The following GJB7 variants were observed in gnomAD, a reference collection of about 807,000 sequenced individuals.
The protein encoded by GJB7 is gap junction beta-7 protein.
For synonymous variants in GJB7, 87 were observed against 95.2 expected (o/e 0.91, Z 0.50); for missense variants, 253 against 256.8 (o/e 0.99, Z 0.10).
intron 1 of GJB7, among the ~76,000 whole-genome samples, chr6:87,324,763 G>C (rs1461056267): frequency 6.6e-6 from 1 of 151,990 alleles, no homozygotes; most frequent in African/African-American, 2.4e-5. Flanking sequence ...GCTCTTTTTT[G>C]GTTCCATATG....
At chr6:87,299,450 G>T (rs1776290422) in intron 2 of GJB7, 1 of 448,050 alleles carries the variant, frequency 2.2e-6, no homozygotes, top group Non-Finnish European at 4.4e-6. Context: ...ACGTCAAAAG[G>T]TTAGAAATGT....
At position 87,284,561 on chromosome 6, in the gene GJB7, C is replaced by A; in HGVS notation, c.352G>T (p.Gly118Trp). 6.2e-7 allele frequency: 1 copy of A among 1,614,120 alleles called. No individual in the cohort carries two copies. Among genetic ancestry groups the A allele is most frequent in the Non-Finnish European group, 8.5e-7 (1 of 1,179,970 alleles). ...ATAAGATAAGCGTACCATAGGCCCC[C>A]ATCCATTGTACCTGGGCTGACATAG... Reference protein sequence around the residue: ...KLYVSPGTMDGGLWYAYLISL... With the variant: ...KLYVSPGTMDWGLWYAYLISL... The change falls in exon 3 of 3, where the codon GGG becomes TGG. Residue 118 changes from glycine to tryptophan, a missense_variant. Gly to Trp is a radical substitution (Grantham distance 184, BLOSUM62 -2). Coordinates refer to ENST00000525899, the MANE Select transcript of GJB7 (RefSeq NM_198568.3).
At chr6:87,312,564 T>G (rs1211348750) in intron 2 of GJB7, among the ~76,000 whole-genome samples, 1 of 151,830 alleles carries the variant, frequency 6.6e-6, no homozygotes, top group African/African-American at 2.4e-5. Context: ...GCTCTAAGTT[T>G]AGCACCAGTT....
intron 2 of GJB7, chr6:87,299,301 C>A: frequency 4.1e-6 from 2 of 482,978 alleles, no homozygotes; most frequent in South Asian, 3.1e-5. Flanking sequence ...AAGAAATTGT[C>A]AACATCATTT....
Position 87,283,734 on chromosome 6 carries a change from G to A in GJB7, c.*507C>T, listed in dbSNP as rs1257063300. The A allele has an allele frequency of 1.3e-5, 2 of 152,994 alleles. No individual in the cohort carries two copies. Among genetic ancestry groups the A allele is most frequent in the Non-Finnish European group, 2.9e-5 (2 of 68,706 alleles). 9.5% of individuals were successfully genotyped at this position (152,994 alleles called of 1,614,324 possible). A position where few individuals can be genotyped will look rare whatever the true frequency, so the allele number is the denominator to read the frequency against. On this transcript the variant is annotated 3_prime_UTR_variant, in exon 3 of 3. Transcript: ENST00000525899. ...CCAGTTCCTTCATTTCAGCTCGGAG[G>A]CCATCACATTTGCCTAAAGTGTCAC...
At position 87,310,652 on chromosome 6, in the gene GJB7, T is replaced by A. The variant is rs1776503294; in HGVS notation, c.-28+12214A>T. On this transcript the variant is annotated intron_variant, in intron 2 of 2. Transcript: ENST00000525899. Reference sequence around the variant, plus strand: ...CCTGTTCCCCCAAAACATATTGAAATAAAAAAAAATAAACCAAATATTCAT... The same window carrying A: ...CCTGTTCCCCCAAAACATATTGAAAAAAAAAAAAATAAACCAAATATTCAT... 2.7e-5 allele frequency among the ~76,000 whole-genome samples: 4 copies of A among 149,956 alleles called. No homozygotes were observed. In the South Asian group the frequency reaches 8.4e-4, roughly 32 times the overall value.
At chr6:87,303,658 C>T (rs898988697) in intron 2 of GJB7, among the ~76,000 whole-genome samples, 2 of 152,176 alleles carry the variant, frequency 1.3e-5, no homozygotes, top group Admixed American at 6.5e-5. Context: ...CTGAACTCAG[C>T]TCTGCACCAA....
intron 1 of GJB7, among the ~76,000 whole-genome samples, chr6:87,325,947 T>C (rs183844279): frequency 1.8e-3 from 272 of 152,364 alleles, no homozygotes; most frequent in Non-Finnish European, 3.1e-3. Flanking sequence ...TTTCAGCTCC[T>C]GTTATTGGTC....
chr6:87,283,934 G>A lies in GJB7; in HGVS notation c.*307C>T, dbSNP rs1388680443. 2.3e-5 allele frequency: 5 copies of A among 220,830 alleles called. No homozygotes were observed. The highest frequency in any genetic ancestry group is 1.8e-5 in the Non-Finnish European group (2 of 112,150). The allele number at this position is 220,830 out of a possible 1,614,324, so 13.7% of individuals were successfully genotyped here. On this transcript the variant is annotated 3_prime_UTR_variant, in exon 3 of 3. Transcript: ENST00000525899. ...AATTACCTATTCTAAAACAACTAAT[G>A]TTATCCACATACTGGAGAACCCTAC...
chr6:87,325,261 C>T (rs1162093009), intron 1 of GJB7, among the ~76,000 whole-genome samples: 1 of 149,274 alleles, frequency 6.7e-6, no homozygotes, highest in Non-Finnish European at 1.5e-5. Context: ...CCTTTATTTC[C>T]TTCTCCTGCC....
At chr6:87,319,912 A>AGGAAGACAAACTT (rs1271697549) in intron 2 of GJB7, among the ~76,000 whole-genome samples, 3 of 152,262 alleles carry the variant, frequency 2.0e-5, no homozygotes, top group Non-Finnish European at 4.4e-5. Flanking sequence ...AGCCAGGCAC[A>AGGAAGACAAACTT]GGAAGACAAA....
In GJB7 at chr6:87,284,648, G is replaced by A. The variant is rs1158928226; in HGVS notation, c.265C>T (p.Leu89Phe). ...TAGGCTACATGTAAAACCACCAGAA[G>A]TGAAGGTGTGGAGACCATTATCAGT... is the stretch of plus-strand genomic sequence containing the variant. ...LQLIMVSTPS[L>F]LVVLHVAYHE... is the part of the protein sequence containing the mutation. Residue 89 changes from leucine (L) to phenylalanine (F), a missense_variant, in exon 3 of 3, where the codon CTT becomes TTT. Transcript: ENST00000525899. 1 of 1,614,196 alleles carries A rather than the reference G, an allele frequency of 6.2e-7. No individual in the cohort carries two copies. Among genetic ancestry groups the A allele is most frequent in the Admixed American group, 1.7e-5 (1 of 60,024 alleles).
intron 1 of GJB7, among the ~76,000 whole-genome samples, chr6:87,324,687 T>C (rs1197669947): frequency 6.6e-6 from 1 of 151,654 alleles, no homozygotes; most frequent in Non-Finnish European, 1.5e-5. Flanking sequence ...GTAGTATACT[T>C]TGAAGTCAGG....
At chr6:87,312,870 A>G (rs942817378) in intron 2 of GJB7, among the ~76,000 whole-genome samples, 3 of 150,222 alleles carry the variant, frequency 2.0e-5, no homozygotes, top group Non-Finnish European at 4.5e-5. Context: ...TGAAAGAGAC[A>G]GGGCATTCCT....
intron 2 of GJB7, among the ~76,000 whole-genome samples, chr6:87,290,118 G>A (rs1776142161): frequency 6.6e-6 from 1 of 152,156 alleles, no homozygotes; most frequent in Non-Finnish European, 1.5e-5. Context: ...TCCATCCTCA[G>A]TAGTAAGCAG....
chr6:87,325,842 T>A (rs568256550), intron 1 of GJB7, among the ~76,000 whole-genome samples: 8 of 152,364 alleles, frequency 5.3e-5, no homozygotes, highest in African/African-American at 1.9e-4. Context: ...GAAGGAATGG[T>A]ACCAGTTCCT....
intron 2 of GJB7, chr6:87,299,025 A>G (rs923724417): frequency 9.9e-6 from 5 of 502,828 alleles, no homozygotes; most frequent in East Asian, 5.6e-5. Flanking sequence ...AAGGATAAAC[A>G]TAAAAATATT....
chr6:87,327,950 G>A (rs371006507), intron 1 of GJB7, among the ~76,000 whole-genome samples: 11 of 150,512 alleles, frequency 7.3e-5, no homozygotes, highest in South Asian at 2.1e-4. Context: ...GGCTTTGCTT[G>A]TTTCTTTTTA....
intron 1 of GJB7, among the ~76,000 whole-genome samples, chr6:87,326,463 T>C (rs1045050225): frequency 6.6e-6 from 1 of 152,198 alleles, no homozygotes; most frequent in African/African-American, 2.4e-5. Flanking sequence ...TCTGGTATTT[T>C]GTGTCTTTGT....
Sources: gnomAD v4.1 joint callset for allele counts (sites outside exome capture counted in the v4.1 genomes callset) on GRCh38, gnomAD v4.1.1 for gene constraint, MANE v1.5 for transcripts, NCBI Gene and HGNC (gene_info 2026-07-23, HGNC 2026-07-21) for gene names.